FRMD3: variants seen among roughly 807,000 people sequenced by gnomAD.
The protein encoded by FRMD3 is FERM domain-containing protein 3.
In FRMD3, 33 loss-of-function variants were observed where a neutral mutation model predicts 70.2. That is an observed-to-expected ratio of 0.47 (90% CI 0.36 to 0.63). The LOEUF is 0.63. FRMD3 is among the 20% of genes least tolerant of loss of function. FRMD3 has a pLI of 0.00. For missense variants in FRMD3, 632 were observed against 711.4 expected (o/e 0.89, Z 1.27); for synonymous variants, 279 against 255.9 (o/e 1.09, Z -0.86).
chr9:83,388,488 C>A (rs1352432723), intron 2 of FRMD3, among the ~76,000 whole-genome samples: 1 of 152,186 alleles, frequency 6.6e-6, no homozygotes, highest in East Asian at 1.9e-4. Flanking sequence ...TGGCTGGGAA[C>A]TCTGAGCCCA....
chr9:83,334,726 A>C (rs1219892563), intron 6 of FRMD3, among the ~76,000 whole-genome samples: 1 of 152,146 alleles, frequency 6.6e-6, no homozygotes, highest in African/African-American at 2.4e-5. Context: ...CACACACTTC[A>C]TTTGATTCCC....
At chr9:83,315,257 CTG>C (rs920882966) in intron 6 of FRMD3, among the ~76,000 whole-genome samples, 5 of 152,062 alleles carry the variant, frequency 3.3e-5, no homozygotes, top group African/African-American at 1.2e-4. Flanking sequence ...GACTCAGAGT[CTG>C]TAATTTGTGG....
At chr9:83,576,992 C>G in the FRMD3 span, among the ~76,000 whole-genome samples, 5 of 151,936 alleles carry the variant, frequency 3.3e-5, no homozygotes, top group African/African-American at 1.2e-4. Context: ...GTTTCATTCA[C>G]AATAGTATCA....
intron 1 of FRMD3, among the ~76,000 whole-genome samples, chr9:83,438,524 C>T (rs536362196): frequency 2.0e-5 from 3 of 152,200 alleles, no homozygotes; most frequent in Admixed American, 2.0e-4. Flanking sequence ...CTCAGCCTCC[C>T]GAGTAGCTGG....
chr9:83,262,987 G>A (rs1028994834), intron 13 of FRMD3, among the ~76,000 whole-genome samples: 4 of 152,180 alleles, frequency 2.6e-5, no homozygotes, highest in African/African-American at 4.8e-5. Flanking sequence ...AAAATCAAAG[G>A]GGAAGAGGGG....
chr9:83,255,009 G>T (rs1346926749), intron 13 of FRMD3, among the ~76,000 whole-genome samples: 1 of 152,080 alleles, frequency 6.6e-6, no homozygotes, highest in African/African-American at 2.4e-5. Flanking sequence ...GAAAAGGAAG[G>T]ACTTTTACCT....
chr9:83,434,346 C>T (rs554719816), intron 1 of FRMD3, among the ~76,000 whole-genome samples: 2 of 152,298 alleles, frequency 1.3e-5, no homozygotes, highest in African/African-American at 4.8e-5. Flanking sequence ...CTTCAGTTCA[C>T]ATCCTGGCCC....
intron 1 of FRMD3, among the ~76,000 whole-genome samples, chr9:83,507,626 C>T (rs1420910381): frequency 3.6e-5 from 5 of 139,892 alleles, no homozygotes; most frequent in African/African-American, 8.0e-5. Flanking sequence ...GCCATGATCG[C>T]GCCACTGCAC....
At chr9:83,550,541 AG>A in the FRMD3 span, among the ~76,000 whole-genome samples, 1 of 152,026 alleles carries the variant, frequency 6.6e-6, no homozygotes, top group Non-Finnish European at 1.5e-5. Flanking sequence ...TGGGCAGTAT[AG>A]CCATTTTAAT....
chr9:83,280,621 C>T (rs1833945488), intron 13 of FRMD3, among the ~76,000 whole-genome samples: 1 of 152,178 alleles, frequency 6.6e-6, no homozygotes, highest in Non-Finnish European at 1.5e-5. Flanking sequence ...GTAGACTCAT[C>T]TTCAAGATCT....
chr9:83,458,425 G>C (rs185018779), intron 1 of FRMD3, among the ~76,000 whole-genome samples: 1 of 152,310 alleles, frequency 6.6e-6, no homozygotes, highest in East Asian at 1.9e-4. Context: ...AGAGGGATGA[G>C]ACAAAACAAT....
chr9:83,268,079 TAA>T (rs1445713019), intron 13 of FRMD3, among the ~76,000 whole-genome samples: 1 of 152,248 alleles, frequency 6.6e-6, no homozygotes, highest in African/African-American at 2.4e-5. Flanking sequence ...ATCGGCTGAC[TAA>T]AGTTAGTGTT....
At chr9:83,496,598 A>G (rs962312438) in intron 1 of FRMD3, among the ~76,000 whole-genome samples, 1 of 152,184 alleles carries the variant, frequency 6.6e-6, no homozygotes, top group Admixed American at 6.5e-5. Context: ...GAAATCAGGG[A>G]TATAATGACA....
At chr9:83,379,202 G>A (rs964118759) in intron 2 of FRMD3, among the ~76,000 whole-genome samples, 1 of 151,950 alleles carries the variant, frequency 6.6e-6, no homozygotes, top group African/African-American at 2.4e-5. Context: ...GTTATGAGTT[G>A]GCCAGTGAAG....
At chr9:83,396,503 G>T (rs1374105331) in intron 1 of FRMD3, among the ~76,000 whole-genome samples, 1 of 152,156 alleles carries the variant, frequency 6.6e-6, no homozygotes, top group African/African-American at 2.4e-5. Flanking sequence ...GCATCTGAGG[G>T]CTCTAGCTTG....
At chr9:83,268,921 C>G (rs1356822441) in intron 13 of FRMD3, among the ~76,000 whole-genome samples, 1 of 151,588 alleles carries the variant, frequency 6.6e-6, no homozygotes, top group African/African-American at 2.4e-5. Flanking sequence ...GCAATTCCCC[C>G]TGATTATATA....
chr9:83,581,744 A>T, the FRMD3 span, among the ~76,000 whole-genome samples: 1 of 152,252 alleles, frequency 6.6e-6, no homozygotes, highest in Non-Finnish European at 1.5e-5. Context: ...GAATAAATAA[A>T]ATGTGGCATA....
chr9:83,351,721 A>ATAGATAGATAGATAGATAGATAGG (rs1338106678), intron 3 of FRMD3, among the ~76,000 whole-genome samples: 1 of 152,004 alleles, frequency 6.6e-6, no homozygotes, highest in African/African-American at 2.4e-5. Context: ...AGATAGATAG[A>ATAGATAGATAGATAGATAGATAGG]TAGATAGATA....
chr9:83,426,323 A>G (rs796366575), intron 1 of FRMD3, among the ~76,000 whole-genome samples: 18 of 152,342 alleles, frequency 1.2e-4, no homozygotes, highest in African/African-American at 4.3e-4. Context: ...TGTTCCAGTC[A>G]TTTGTTGAGC....
Sources: allele counts gnomAD v4.1 joint callset (sites outside exome capture counted in the v4.1 genomes callset), GRCh38; gene constraint gnomAD v4.1.1; transcripts MANE v1.5; gene names NCBI Gene and HGNC (gene_info 2026-07-23, HGNC 2026-07-21).